KANSL1: variants seen among roughly 807,000 people sequenced by gnomAD.
The protein encoded by KANSL1 is MLL1/MLL complex subunit KANSL1.
In KANSL1, 22 loss-of-function variants were observed where a neutral mutation model predicts 103.6. That is an observed-to-expected ratio of 0.21 (90% confidence interval 0.15 to 0.30). KANSL1 has a LOEUF of 0.30. KANSL1 is among the 10% of genes least tolerant of loss of function. The pLI is 1.00. For synonymous variants in KANSL1, 600 were observed against 527.6 expected, an observed-to-expected ratio of 1.14 and a Z score of -1.88; for missense variants, 1,337 against 1,399.8, an observed-to-expected ratio of 0.96 and a Z score of 0.72.
chr17:46,204,020 A>C (rs1429106536), intron 1 of KANSL1, among the ~76,000 whole-genome samples: 2 of 152,016 alleles, frequency 1.3e-5, no homozygotes, highest in Non-Finnish European at 1.5e-5. Flanking sequence ...CGGGTAGGGG[A>C]GCAGGGGAAG....
At chr17:46,084,697 T>TAAAAAAAAAAAAAAAAAAAAAA (rs67108405) in intron 3 of KANSL1, among the ~76,000 whole-genome samples, 2 of 74,488 alleles carry the variant, frequency 2.7e-5, no homozygotes, top group African/African-American at 1.1e-4. Context: ...TTTTAAAAAT[T>TAAAAAAAAAAAAAAAAAAAAAA]AAAAAAAAAA....
intron 1 of KANSL1, among the ~76,000 whole-genome samples, chr17:46,216,044 GTAA>G (rs532639310): frequency 6.6e-6 from 1 of 151,398 alleles, no homozygotes; most frequent in Non-Finnish European, 1.5e-5. Context: ...CGTCTCAATA[GTAA>G]TAATAATAAT....
intron 2 of KANSL1, among the ~76,000 whole-genome samples, chr17:46,112,067 T>C (rs888920609): frequency 1.3e-5 from 2 of 152,144 alleles, no homozygotes; most frequent in African/African-American, 2.4e-5. Flanking sequence ...GGGAGTGTTA[T>C]ATAATCATTA....
At chr17:46,152,167 T>A (rs917845558) in intron 2 of KANSL1, among the ~76,000 whole-genome samples, 1 of 152,228 alleles carries the variant, frequency 6.6e-6, no homozygotes, top group Non-Finnish European at 1.5e-5. Flanking sequence ...TTGAGGGAAT[T>A]GGCATTGCTG....
chr17:46,189,722 TAAA>T (rs1319089550), intron 1 of KANSL1, among the ~76,000 whole-genome samples: 3 of 152,038 alleles, frequency 2.0e-5, no homozygotes, highest in Admixed American at 1.3e-4. Flanking sequence ...CCGTCTCTAC[TAAA>T]AATACAAAAC....
At chr17:46,169,787 G>C (rs910797986) in intron 2 of KANSL1, among the ~76,000 whole-genome samples, 1 of 152,170 alleles carries the variant, frequency 6.6e-6, no homozygotes, top group Non-Finnish European at 1.5e-5. Context: ...GCTGAATTGG[G>C]AGTGACAGGA....
chr17:46,105,706 C>CA (rs1275660827), intron 2 of KANSL1, among the ~76,000 whole-genome samples: 4 of 151,880 alleles, frequency 2.6e-5, no homozygotes, highest in Admixed American at 2.0e-4. Context: ...CATGTCTCTA[C>CA]AAAAAAATAC....
chr17:46,099,211 C>T (rs1228111635), intron 2 of KANSL1, among the ~76,000 whole-genome samples: 2 of 144,236 alleles, frequency 1.4e-5, no homozygotes, highest in African/African-American at 4.9e-5. Context: ...GTAGTCCCAG[C>T]TACTCGGGAG....
intron 5 of KANSL1, 49 bp downstream of exon 5, chr17:46,067,500 C>T (rs763992610): frequency 8.7e-7 from 1 of 1,154,836 alleles, no homozygotes; most frequent in Non-Finnish European, 1.3e-6. Context: ...AGCTCCAAAA[C>T]ACCTTTACAA....
chr17:46,131,592 G>A (rs1407830442), intron 2 of KANSL1, among the ~76,000 whole-genome samples: 2 of 152,174 alleles, frequency 1.3e-5, no homozygotes, highest in African/African-American at 4.8e-5. Flanking sequence ...ATGAATTACT[G>A]CAATGTGAAC....
chr17:46,046,307 G>A (rs540878242), intron 7 of KANSL1, among the ~76,000 whole-genome samples: 5 of 152,024 alleles, frequency 3.3e-5, no homozygotes, highest in South Asian at 2.1e-4. Flanking sequence ...GCCAAGATGG[G>A]TAGATCGCTT....
At chr17:46,069,721 GAA>G (rs1360249691) in intron 4 of KANSL1, among the ~76,000 whole-genome samples, 4 of 151,966 alleles carry the variant, frequency 2.6e-5, no homozygotes, top group African/African-American at 7.3e-5. Context: ...TGCAGCCTGG[GAA>G]AGAGAGAGAG....
At chr17:46,166,440 A>C (rs2046004081) in intron 2 of KANSL1, among the ~76,000 whole-genome samples, 1 of 151,802 alleles carries the variant, frequency 6.6e-6, no homozygotes, top group South Asian at 2.1e-4. Context: ...TGAACCCGGG[A>C]GCCAGAGGTT....
At chr17:46,119,225 T>C (rs921865003) in intron 2 of KANSL1, among the ~76,000 whole-genome samples, 4 of 152,184 alleles carry the variant, frequency 2.6e-5, no homozygotes, top group Admixed American at 1.3e-4. Context: ...AAGAGGTCAT[T>C]TGTCAAGGGG....
At chr17:46,139,142 TA>T (rs1161468741) in intron 2 of KANSL1, among the ~76,000 whole-genome samples, 13 of 152,158 alleles carry the variant, frequency 8.5e-5, no homozygotes, top group Admixed American at 3.9e-4. Context: ...TCTAAAACAA[TA>T]CCTAGGACAT....
At position 46,045,124 on chromosome 17, in the gene KANSL1, C is replaced by G. The variant is rs375800821; in HGVS notation, c.2021-5240G>C. The G allele has an allele frequency of 4.1e-4, 63 of 152,234 alleles. 1 individual carries two copies. In the East Asian group the frequency reaches 7.3e-3, roughly 18 times the overall value. 9.4% of individuals were successfully genotyped at this position (152,234 alleles called of 1,614,324 possible). A position where few individuals can be genotyped will look rare whatever the true frequency, so the allele number is the denominator to read the frequency against. ...CACACAAATGTTTGACCTACACAGT[C>G]GTATGCCAAGCTGCTAGCCTTCACT... is the stretch of plus-strand genomic sequence containing the variant. On this transcript the variant is annotated intron_variant, in intron 7 of 14. Coordinates refer to ENST00000432791, the MANE Select transcript of KANSL1 (RefSeq NM_015443.4).
chr17:46,119,532 C>T (rs2043192170), intron 2 of KANSL1, among the ~76,000 whole-genome samples: 1 of 152,274 alleles, frequency 6.6e-6, no homozygotes, highest in African/African-American at 2.4e-5. Context: ...CTCTCAAACT[C>T]CTGACCTCAA....
rs184406177 is a variant in KANSL1, at chr17:46,127,881, C to T, written c.1290-33180G>A. 3.0e-3 allele frequency among the ~76,000 whole-genome samples: 457 copies of T among 152,288 alleles called. 7 individuals are homozygous for T. Among genetic ancestry groups the T allele is most frequent in the African/African-American group, 0.011 (439 of 41,544 alleles). On this transcript the variant is annotated intron_variant, in intron 2 of 14. Transcript: ENST00000432791. The stretch of plus-strand genomic sequence containing the variant: ...CTACACCAGTTACCAGTGGCAGCAC[C>T]TAATAAGACTTGAGAGCAACTTAAT...
At chr17:46,209,497 T>C (rs1479980524) in intron 1 of KANSL1, among the ~76,000 whole-genome samples, 6 of 152,292 alleles carry the variant, frequency 3.9e-5, no homozygotes, top group Non-Finnish European at 8.8e-5. Flanking sequence ...ATGGGTTTTT[T>C]GTTGTTGTTT....
Sources: gnomAD v4.1 joint callset for allele counts (sites outside exome capture counted in the v4.1 genomes callset) on GRCh38, gnomAD v4.1.1 for gene constraint, MANE v1.5 for transcripts, NCBI Gene and HGNC (gene_info 2026-07-23, HGNC 2026-07-21) for gene names.